Variants in SV2B observed in about 807,000 individuals in gnomAD.
SV2B encodes synaptic vesicle glycoprotein 2B, also known as solute carrier family 22 member B2.
Under a neutral mutation model 73.9 loss-of-function variants are expected in SV2B, and 41 were observed. The observed-to-expected ratio is 0.56, with a 90% CI of 0.43 to 0.72. SV2B has a LOEUF of 0.72. Among genes scored for constraint, SV2B ranks in the 30% least tolerant of loss-of-function variants. The pLI is 0.00. For missense variants in SV2B, 764 were observed against 857.8 expected (o/e 0.89, Z 1.37); for synonymous variants, 314 against 314.2 (o/e 1.00, Z 0.01).
At chr15:91,170,262 TAG>T (rs1477854921) in intron 1 of SV2B, among the ~76,000 whole-genome samples, 1 of 151,994 alleles carries the variant, frequency 6.6e-6, no homozygotes, top group Non-Finnish European at 1.5e-5. Flanking sequence ...GCAGTCTTAT[TAG>T]AGAGATATAT....
chr15:91,263,563 GACAC>G (rs535152302), intron 6 of SV2B, among the ~76,000 whole-genome samples: 7 of 146,468 alleles, frequency 4.8e-5, no homozygotes, highest in East Asian at 2.0e-4. Flanking sequence ...CAGACACAGA[GACAC>G]ACACAGACAC....
At position 91,245,011 on chromosome 15, in the gene SV2B, C is replaced by G. The variant is rs1362481754; in HGVS notation, c.452-6808C>G. Among the ~76,000 whole-genome samples, 1 of 152,204 alleles carries G rather than the reference C, an allele frequency of 6.6e-6. No individual in the cohort carries two copies. The highest frequency in any genetic ancestry group is 6.5e-5 in the Admixed American group (1 of 15,282). On this transcript the variant is annotated intron_variant, in intron 2 of 12. Coordinates refer to ENST00000394232, the MANE Select transcript of SV2B (RefSeq NM_001323032.3). The surrounding 1 kb of genome is among the most constrained non-coding windows in gnomAD (Gnocchi z 4.2). ...AAAAGGTTAGAAGTGGTTTATTTGTCTTTGGTTAATTGCTAAATAAAGAAG... is the reference window on the plus strand; with the variant it reads ...AAAAGGTTAGAAGTGGTTTATTTGTGTTTGGTTAATTGCTAAATAAAGAAG...
chr15:91,105,189 T>C lies in SV2B; in HGVS notation c.-392+4826T>C, dbSNP rs1041714749. Among the ~76,000 whole-genome samples, 2 of 152,182 alleles carry C rather than the reference T, an allele frequency of 1.3e-5. No individual in the cohort carries two copies. Among genetic ancestry groups the C allele is most frequent in the African/African-American group, 4.8e-5 (2 of 41,438 alleles). On this transcript the variant is annotated intron_variant, in intron 1 of 12. Coordinates refer to ENST00000394232, the MANE Select transcript of SV2B (RefSeq NM_001323032.3). The surrounding 1 kb of genome is among the most constrained non-coding windows in gnomAD (Gnocchi z 5.5). The stretch of plus-strand genomic sequence containing the variant: ...CATTCTAGTTGAGGGAGACAAATAA[T>C]ATGTAAGTAAATAATGTATGTTTTA...
At chr15:91,149,215 G>A (rs543161608) in intron 1 of SV2B, among the ~76,000 whole-genome samples, 3 of 152,316 alleles carry the variant, frequency 2.0e-5, no homozygotes, top group Admixed American at 2.0e-4. Flanking sequence ...ATGGGCTTTG[G>A]CCTGAGGATG....
chr15:91,275,316 C>T (rs11855786), intron 9 of SV2B, among the ~76,000 whole-genome samples: 1,558 of 152,248 alleles, frequency 0.01, 18 homozygotes, highest in African/African-American at 0.033. Flanking sequence ...TTAGCGCTTA[C>T]AATATACATC....
At position 91,115,144 on chromosome 15, in the gene SV2B, A is replaced by G. The variant is rs532256451; in HGVS notation, c.-392+14781A>G. ...GGCAAAGCCAACAGGTGTCCACTACACACGCTGAGCTGGCTTCTCTTGCTG... is the reference window on the plus strand; with the variant it reads ...GGCAAAGCCAACAGGTGTCCACTACGCACGCTGAGCTGGCTTCTCTTGCTG... On this transcript the variant is annotated intron_variant, in intron 1 of 12. Coordinates refer to ENST00000394232, the MANE Select transcript of SV2B (RefSeq NM_001323032.3). The surrounding 1 kb of genome is among the most constrained non-coding windows in gnomAD (Gnocchi z 4.3). 3.3e-5 allele frequency among the ~76,000 whole-genome samples: 5 copies of G among 152,244 alleles called. No homozygotes were observed. The highest frequency in any genetic ancestry group is 3.3e-4 in the Admixed American group (5 of 15,294).
intron 1 of SV2B, among the ~76,000 whole-genome samples, chr15:91,199,962 G>C (rs2045402077): frequency 6.6e-6 from 1 of 152,326 alleles, no homozygotes; most frequent in Non-Finnish European, 1.5e-5. Context: ...GCCCCGCAGA[G>C]AGGCAAGCTC....
At chr15:91,108,147 A>C (rs1031520119) in intron 1 of SV2B, among the ~76,000 whole-genome samples, 18 of 152,192 alleles carry the variant, frequency 1.2e-4, no homozygotes, top group Non-Finnish European at 2.5e-4. Context: ...TAAAGATTTT[A>C]TGTGAAGGGA....
intron 1 of SV2B, among the ~76,000 whole-genome samples, chr15:91,184,715 A>G (rs899363302): frequency 6.6e-6 from 1 of 152,124 alleles, no homozygotes; most frequent in Non-Finnish European, 1.5e-5. Context: ...TCATTTTATC[A>G]TTGGCATTTT....
chr15:91,226,779 C>A, intron 2 of SV2B, 65 bp downstream of exon 2: 1 of 1,537,562 alleles, frequency 6.5e-7, no homozygotes, highest in Non-Finnish European at 8.7e-7. Flanking sequence ...TATCTAGTAT[C>A]TGTCACTATT....
chr15:91,193,896 G>T (rs1197999284), intron 1 of SV2B, among the ~76,000 whole-genome samples: 3 of 152,044 alleles, frequency 2.0e-5, no homozygotes, highest in African/African-American at 4.8e-5. Flanking sequence ...AATCTAAGTT[G>T]TAACCATAAA....
chr15:91,249,917 T>C (rs1332965169), intron 2 of SV2B, among the ~76,000 whole-genome samples: 6 of 152,236 alleles, frequency 3.9e-5, no homozygotes, highest in African/African-American at 1.4e-4. Flanking sequence ...GGCTTCACTG[T>C]TGAATTCTAC....
chr15:91,194,463 C>T (rs763541990), intron 1 of SV2B, among the ~76,000 whole-genome samples: 9 of 152,266 alleles, frequency 5.9e-5, no homozygotes, highest in South Asian at 2.1e-4. Context: ...GGTGGCCATA[C>T]GCACTCTTTT....
chr15:91,187,991 C>G (rs1596545778), intron 1 of SV2B, among the ~76,000 whole-genome samples: 1 of 151,916 alleles, frequency 6.6e-6, no homozygotes, highest in East Asian at 1.9e-4. Context: ...TCAAAATATC[C>G]AAGTATGTAT....
At chr15:91,256,949 T>A (rs931586200) in intron 4 of SV2B, among the ~76,000 whole-genome samples, 2 of 152,226 alleles carry the variant, frequency 1.3e-5, no homozygotes, top group African/African-American at 2.4e-5. Context: ...TATGTTATAT[T>A]TCTAGGTAAA....
chr15:91,281,462 G>A lies in SV2B; in HGVS notation c.1374-266G>A, dbSNP rs146442016. On this transcript the variant is annotated intron_variant, in intron 9 of 12. Transcript: ENST00000394232. This position sits in a 1 kb window ranked among gnomAD's most constrained non-coding sequence, Gnocchi z 4.7. The stretch of plus-strand genomic sequence containing the variant: ...ACATTTCTGTGATTCTGACTTAGAA[G>A]GTCCGTGGACCTGCCTTTGAAAACC... Among the ~76,000 whole-genome samples the A allele has an allele frequency of 5.6e-4, 86 of 152,262 alleles. No homozygotes were observed. Among genetic ancestry groups the A allele is most frequent in the African/African-American group, 1.9e-3 (78 of 41,552 alleles).
Position 91,236,051 on chromosome 15 carries a change from C to A in SV2B, c.451+9337C>A, listed in dbSNP as rs1398139254. Among the ~76,000 whole-genome samples, 1 of 152,208 alleles carries A rather than the reference C, an allele frequency of 6.6e-6. No homozygotes were observed. The highest frequency in any genetic ancestry group is 6.5e-5 in the Admixed American group (1 of 15,282). ...AGGTGCTTAGTCAGTACTCATCCTG[C>A]TCCCCTGATCCAACTGCAAAACCTG... On this transcript the variant is annotated intron_variant, in intron 2 of 12. Transcript: ENST00000394232. This position sits in a 1 kb window ranked among gnomAD's most constrained non-coding sequence, Gnocchi z 4.1.
chr15:91,254,887 G>A (rs1391989849), intron 4 of SV2B, among the ~76,000 whole-genome samples: 1 of 152,144 alleles, frequency 6.6e-6, no homozygotes, highest in Non-Finnish European at 1.5e-5. Flanking sequence ...GGGAAAGCCC[G>A]CCCTCACACT....
At position 91,152,071 on chromosome 15, in the gene SV2B, C is replaced by CTTTT. The variant is rs59094531; in HGVS notation, c.-392+51720_-392+51723dup. ...TTGTCAATCTGAGTTAATTTTTACT[C>CTTTT]TTTTTTTTTTTTTTTGCCAAAGAGT... On this transcript the variant is annotated intron_variant, in intron 1 of 12. Transcript: ENST00000394232. Among the ~76,000 whole-genome samples the CTTTT allele has an allele frequency of 7.4e-3, 1,010 of 137,264 alleles. 24 individuals are homozygous for CTTTT. Among genetic ancestry groups the CTTTT allele is most frequent in the African/African-American group, 0.027 (970 of 35,624 alleles). The allele number at this position is 137,264 out of a possible 152,430, so 90.1% of individuals were successfully genotyped here.
Sources: allele counts gnomAD v4.1 joint callset (sites outside exome capture counted in the v4.1 genomes callset), GRCh38; gene constraint gnomAD v4.1.1; non-coding constraint Gnocchi (gnomAD v3.1); transcripts MANE v1.5; gene names NCBI Gene and HGNC (gene_info 2026-07-23, HGNC 2026-07-21).